COL2A1: variants seen among roughly 807,000 people sequenced by gnomAD.
The protein encoded by COL2A1 is collagen type II alpha 1 chain, also known as collagen alpha-1(II) chain.
A neutral mutation model predicts 204.5 loss-of-function variants in COL2A1; 28 were observed. The observed-to-expected ratio is 0.14, with a 90% CI of 0.10 to 0.19. COL2A1 has a LOEUF of 0.19. Ranked by LOEUF, COL2A1 falls within the 10% of genes least tolerant of loss-of-function variation. The pLI, the probability that COL2A1 is intolerant of heterozygous loss-of-function variation, is 1.00. For missense variants in COL2A1, 1,388 were observed against 2,027.5 expected, an observed-to-expected ratio of 0.68 and a Z score of 6.06; for synonymous variants, 708 against 718.7, an observed-to-expected ratio of 0.99 and a Z score of 0.24.
At chr12:47,988,882 G>A (rs1000264739) in intron 18 of COL2A1, among the ~76,000 whole-genome samples, 1 of 152,256 alleles carries the variant, frequency 6.6e-6, no homozygotes, top group Admixed American at 6.5e-5. Flanking sequence ...AGCTTGCTCA[G>A]CTGTTGGGTC....
At chr12:47,982,671 T>G (rs1939163084) in intron 33 of COL2A1, 62 bp from the exon 34 acceptor site, 3 of 1,364,868 alleles carry the variant, frequency 2.2e-6, no homozygotes, top group Non-Finnish European at 3.1e-6. Flanking sequence ...CCCATGTTCA[T>G]GGAGCCTGGG....
At position 47,982,505 on chromosome 12, in the gene COL2A1, G is replaced by A; in HGVS notation, c.2298C>T (p.Asp766=). The change falls in exon 34 of 54, where the codon GAC becomes GAT. Residue 766 remains aspartate, a synonymous_variant. Transcript: ENST00000380518. ...AGGCTGTAACCTCAGTACTTACCCT[G>A]TCGCCTTTGGGCCCAGCGATACCAG... The part of the protein sequence containing the change: ...GAAGIAGPKG[D]RGDVGEKGPE... 1 of 1,612,598 alleles carries A rather than the reference G, an allele frequency of 6.2e-7. No individual in the cohort carries two copies. The highest frequency in any genetic ancestry group is 1.1e-5 in the South Asian group (1 of 91,056).
chr12:47,989,194 C>T, intron 18 of COL2A1, 34 bp downstream of exon 18: 1 of 1,592,006 alleles, frequency 6.3e-7, no homozygotes, highest in Non-Finnish European at 8.6e-7. Context: ...TTCTCGGCAC[C>T]CAGAAGTTCC....
At position 47,987,611 on chromosome 12, in the gene COL2A1, G is replaced by C. The variant is rs150865922; in HGVS notation, c.1221C>G (p.Ser407=). 10 of 1,611,112 alleles carry C rather than the reference G, an allele frequency of 6.2e-6. No individual in the cohort carries two copies. In the Admixed American group the frequency reaches 1.5e-4, roughly 24 times the overall value. The part of the protein sequence containing the change: ...TPGSPGPAGA[S]GNPGTDGIPG... ...CAGGCCAAAGAGAAGCTGCACTTAC[G>C]GAGGCACCAGCAGGCCCAGGGGACC... The change falls in exon 19 of 54, where the codon TCC becomes TCG. Residue 407 remains serine (S), a splice_region_variant and synonymous_variant. Transcript: ENST00000380518. The surrounding 1 kb of genome is among the most constrained non-coding windows in gnomAD (Gnocchi z 4.1).
chr12:47,986,981 C>T (rs1939453446), intron 21 of COL2A1, 93 bp from the exon 22 acceptor site: 10 of 1,584,662 alleles, frequency 6.3e-6, no homozygotes, highest in African/African-American at 4.0e-5. Context: ...GGATGGAGGC[C>T]GCTGTGAGGC....
At chr12:47,977,062 T>TC (rs1938748325) in intron 47 of COL2A1, 40 bp downstream of exon 47, 2 of 1,588,154 alleles carry the variant, frequency 1.3e-6, no homozygotes, top group East Asian at 4.5e-5. Context: ...TCCCAGCCTA[T>TC]CCCTGGTGGG....
At chr12:47,982,312 T>G (rs1592210658) in intron 34 of COL2A1, 152 bp from the exon 35 acceptor site, 1 of 817,082 alleles carries the variant, frequency 1.2e-6, no homozygotes, top group Non-Finnish European at 2.1e-6. Context: ...GCAGCAGGGG[T>G]GAGATGAAGG....
In COL2A1 at chr12:47,974,117, G is replaced by C; in HGVS notation, c.4289C>G (p.Thr1430Arg). ...EIRAEGNSRF[T>R]YTALKDGCTK... ...GCAGCCATCCTTCAGGGCAGTGTAC[G>C]TGAACCTGCTATTGCCCTCTGCCCG... Residue 1430 changes from threonine to arginine, a missense_variant, in exon 53 of 54, where the codon ACG becomes AGG. Physicochemically the swap from Thr to Arg is moderately conservative, Grantham distance 71. Coordinates refer to ENST00000380518, the MANE Select transcript of COL2A1 (RefSeq NM_001844.5). The C allele has an allele frequency of 6.2e-7, 1 of 1,614,054 alleles. No individual in the cohort carries two copies. Among genetic ancestry groups the C allele is most frequent in the Non-Finnish European group, 8.5e-7 (1 of 1,180,004 alleles).
intron 2 of COL2A1, 124 bp from the exon 3 acceptor site, chr12:47,998,555 GCT>G: frequency 9.6e-7 from 1 of 1,040,218 alleles, no homozygotes; most frequent in Non-Finnish European, 1.4e-6. Context: ...GAAGGCGGCA[GCT>G]TCCTGTGACT....
In COL2A1 at chr12:47,981,399, G is replaced by C; in HGVS notation, c.2410-3C>G. 1 of 1,610,612 alleles carries C rather than the reference G, an allele frequency of 6.2e-7. No individual in the cohort carries two copies. Among genetic ancestry groups the C allele is most frequent in the East Asian group, 2.2e-5 (1 of 44,834 alleles). On this transcript the variant is annotated splice_region_variant and splice_polypyrimidine_tract_variant and intron_variant, in intron 36 of 53. Transcript: ENST00000380518. ...GGACCAGGAGGTCCAACTTCTCCCT[G>C]AGGGTGGGGAAGGGAGGAAGAGCTG...
At position 47,980,899 on chromosome 12, in the gene COL2A1, G is replaced by A. The variant is rs375827442; in HGVS notation, c.2517+16C>T. 7.1e-6 allele frequency: 11 copies of A among 1,552,354 alleles called. No homozygotes were observed. Among genetic ancestry groups the A allele is most frequent in the Middle Eastern group, 1.7e-4 (1 of 5,990 alleles). ...CCTGAGTGGAGGGACCCAGGAGGAT[G>A]GACAGAGATACTCACAGGAGGCCCA... On this transcript the variant is annotated intron_variant, in intron 38 of 53. Coordinates refer to ENST00000380518, the MANE Select transcript of COL2A1 (RefSeq NM_001844.5). The surrounding 1 kb of genome is among the most constrained non-coding windows in gnomAD (Gnocchi z 4.5).
chr12:47,975,163 C>T (rs1938638091), intron 51 of COL2A1, among the ~76,000 whole-genome samples, 154 bp downstream of exon 51: 1 of 152,208 alleles, frequency 6.6e-6, no homozygotes, highest in South Asian at 2.1e-4. Context: ...GCCAGGGCTG[C>T]AGCTTCTCTG....
intron 16 of COL2A1, 127 bp downstream of exon 16, chr12:47,992,751 G>T: frequency 2.1e-6 from 2 of 963,144 alleles, no homozygotes; most frequent in Non-Finnish European, 3.3e-6. Flanking sequence ...GCACACTGGG[G>T]GTGAATTCTT....
At chr12:47,999,655 TAGAATCACA>T in intron 2 of COL2A1, 7 of 185,844 alleles carry the variant, frequency 3.8e-5, no homozygotes, top group South Asian at 3.5e-4. Flanking sequence ...TTTTTTTTTG[TAGAATCACA>T]TCTGTCCTTC....
intron 26 of COL2A1, 37 bp downstream of exon 26, chr12:47,985,497 C>G (rs760279156): frequency 1.2e-6 from 2 of 1,604,894 alleles, no homozygotes; most frequent in Non-Finnish European, 1.7e-6. Context: ...AGGGAGATCC[C>G]CCCACCCTCC....
At position 47,977,085 on chromosome 12, in the gene COL2A1, G is replaced by C. The variant is rs779918971; in HGVS notation, c.3327+17C>G. The C allele has an allele frequency of 1.9e-6, 3 of 1,600,796 alleles. No homozygotes were observed. In the Admixed American group the frequency reaches 5.2e-5, roughly 28 times the overall value. ...TATCCCTGGTGGGGACTCAGTGCAG[G>C]ACACTTGGATACTCACCTGGATTCC... On this transcript the variant is annotated intron_variant, in intron 47 of 53. Transcript: ENST00000380518.
rs541544755 is a variant in COL2A1, at chr12:47,991,624, A to G, written c.1023+1254T>C. ...CAATCTTCTAAGCCAAATCCTACAC[A>G]CGCTGCCAGCCTAACTACCGTGCGG... On this transcript the variant is annotated intron_variant, in intron 16 of 53. Transcript: ENST00000380518. Among the ~76,000 whole-genome samples the G allele has an allele frequency of 1.6e-4, 24 of 152,272 alleles. No homozygotes were observed. The South Asian group carries it at 5.0e-3, about 32-fold the overall frequency.
At chr12:47,974,444 A>T in intron 52 of COL2A1, 113 bp from the exon 53 acceptor site, 1 of 1,442,720 alleles carries the variant, frequency 6.9e-7, no homozygotes, top group East Asian at 2.3e-5. Flanking sequence ...GTACTGGGGC[A>T]GCAGGGAGCT....
chr12:48,001,648 G>A (rs1299172465), intron 1 of COL2A1, among the ~76,000 whole-genome samples: 1 of 152,226 alleles, frequency 6.6e-6, no homozygotes, highest in African/African-American at 2.4e-5. Context: ...GGCGGGGCCA[G>A]GCTGCGCTGG....
Sources: allele counts gnomAD v4.1 joint callset (sites outside exome capture counted in the v4.1 genomes callset), GRCh38; gene constraint gnomAD v4.1.1; non-coding constraint Gnocchi (gnomAD v3.1); transcripts MANE v1.5; gene names NCBI Gene and HGNC (gene_info 2026-07-23, HGNC 2026-07-21).